NIN: variants seen among roughly 807,000 people sequenced by gnomAD.
NIN encodes glycogen synthase kinase 3 beta-interacting protein.
A neutral mutation model predicts 257.6 loss-of-function variants in NIN; 137 were observed. The observed-to-expected ratio is 0.53, with a 90% CI of 0.46 to 0.61. The LOEUF (loss-of-function observed/expected upper bound fraction) is 0.61, where lower values mean the gene tolerates loss of function less well. Among genes scored for constraint, NIN ranks in the 20% least tolerant of loss-of-function variants. The pLI is 0.00. For missense variants in NIN, 2,439 were observed against 2,501.2 expected, an observed-to-expected ratio of 0.98 and a Z score of 0.53; for synonymous variants, 918 against 919.8, an observed-to-expected ratio of 1.00 and a Z score of 0.04.
chr14:50,763,083 T>G (rs185448825), intron 15 of NIN, among the ~76,000 whole-genome samples: 1 of 152,278 alleles, frequency 6.6e-6, no homozygotes, highest in Non-Finnish European at 1.5e-5. Flanking sequence ...AATCTGTTAA[T>G]TATTCTGCAG....
intron 22 of NIN, 21 bp from the exon 23 acceptor site, chr14:50,744,386 A>G (rs200252190): frequency 6.2e-7 from 1 of 1,612,156 alleles, no homozygotes; most frequent in African/African-American, 1.3e-5. Context: ...TAAACAAATG[A>G]GCCCTCCCAT....
rs909846695 is a variant in NIN at position 50,778,158 on chromosome 14, A to T, written c.475+607T>A. Among the ~76,000 whole-genome samples, 40 of 152,196 alleles carry T rather than the reference A, an allele frequency of 2.6e-4. 1 individual carries two copies. Among genetic ancestry groups the T allele is most frequent in the Admixed American group, 1.4e-3 (21 of 15,276 alleles). Reference sequence around the variant, plus strand: ...GAAACTTGTCAAGGGATGCATTTTTAAATTAATTAATTAATTTATATTGTT... The same window carrying T: ...GAAACTTGTCAAGGGATGCATTTTTTAATTAATTAATTAATTTATATTGTT... On this transcript the variant is annotated intron_variant, in intron 6 of 30. Transcript: ENST00000530997.
Position 50,757,342 on chromosome 14 carries a change from C to G in NIN, c.3688G>C (p.Val1230Leu). The G allele has an allele frequency of 6.2e-7, 1 of 1,613,634 alleles. No homozygotes were observed. The highest frequency in any genetic ancestry group is 1.7e-5 in the Admixed American group (1 of 59,898). The change falls in exon 18 of 31, where the codon GTG becomes CTG. Residue 1230 changes from valine to leucine, a missense_variant. Around this residue, in one of 3 missense-constraint regions of NIN, gnomAD observed 2,043 missense variants for 2,050.2 expected, o/e 1.00. Coordinates refer to ENST00000530997, the MANE Select transcript of NIN (RefSeq NM_020921.4). ...AGCATCTTCAGTTTCTTTTTTAGCA[C>G]AGAAACATCAAAAAGTAGGTCCTGT... ...KKQDLLFDVS[V>L]LKKKLKMLER...
intron 25 of NIN, among the ~76,000 whole-genome samples, chr14:50,739,851 A>C (rs2041188593): frequency 6.6e-6 from 1 of 152,268 alleles, no homozygotes; most frequent in Non-Finnish European, 1.5e-5. Context: ...CTTTAAGCCC[A>C]GAAGATATTC....
chr14:50,738,741 TAGC>T (rs1238426204), intron 26 of NIN, among the ~76,000 whole-genome samples: 15 of 152,236 alleles, frequency 9.9e-5, no homozygotes, highest in African/African-American at 2.9e-4. Context: ...GCATCCGTGA[TAGC>T]AGTTTCTGGC....
In NIN at chr14:50,777,138, G is replaced by C; in HGVS notation, c.477C>G (p.Gly159=). 6.2e-7 allele frequency: 1 copy of C among 1,602,798 alleles called. No homozygotes were observed. Among genetic ancestry groups the C allele is most frequent in the Non-Finnish European group, 8.5e-7 (1 of 1,174,770 alleles). The change falls in exon 7 of 31, where the codon GGC becomes GGG. Residue 159 remains glycine (G), a splice_region_variant and synonymous_variant. Transcript: ENST00000530997. Reference sequence around the variant, plus strand: ...CATCTGGGTTCCAAAACCTTAACTGGCCTGAGAGAGAAGCATATGTTGCAC... The same window carrying C: ...CATCTGGGTTCCAAAACCTTAACTGCCCTGAGAGAGAAGCATATGTTGCAC... ...TQRSEEYEAE[G]QLRFWNPDDL...
intron 15 of NIN, 110 bp downstream of exon 15, chr14:50,763,716 T>C: frequency 6.4e-6 from 3 of 467,624 alleles, no homozygotes; most frequent in Non-Finnish European, 9.0e-6. Flanking sequence ...CCAAATTCTT[T>C]TTTTTTTTTT....
chr14:50,741,855 T>G (rs1371959955), intron 24 of NIN, 127 bp from the exon 25 acceptor site: 2 of 1,031,906 alleles, frequency 1.9e-6, no homozygotes, highest in African/African-American at 3.2e-5. Context: ...AATCCAGCTT[T>G]CTTGTCAGTA....
upstream of NIN, chr14:50,831,223 G>A (rs573367835): frequency 6.6e-6 from 1 of 151,468 alleles, no homozygotes; most frequent in Non-Finnish European, 1.5e-5. Context: ...CCTCCTCTGC[G>A]GCCCGCGCGG....
intron 12 of NIN, among the ~76,000 whole-genome samples, chr14:50,769,929 T>G (rs1595827342): frequency 2.1e-5 from 3 of 139,770 alleles, no homozygotes; most frequent in Non-Finnish European, 1.5e-5. Flanking sequence ...GGTGACAGAG[T>G]GAGACCCCAT....
chr14:50,779,874 A>C (rs2043065942), intron 5 of NIN, among the ~76,000 whole-genome samples: 1 of 152,248 alleles, frequency 6.6e-6, no homozygotes, highest in Non-Finnish European at 1.5e-5. Flanking sequence ...ACTTAAAATA[A>C]GTAGGCTAGA....
chr14:50,755,667 TTTTTTTTTTTTA>T lies in NIN; in HGVS notation c.4539-812_4539-801del, dbSNP rs1240162368. On this transcript the variant is annotated intron_variant, in intron 18 of 30. Coordinates refer to ENST00000530997, the MANE Select transcript of NIN (RefSeq NM_020921.4). ...TTGTCTCTTTTTTTTTTTTTTTTTT[TTTTTTTTTTTTA>T]AAAGAGACAGGGTCTCACTCTGTCA... Among the ~76,000 whole-genome samples the T allele has an allele frequency of 8.0e-4, 63 of 78,304 alleles. 2 individuals carry two copies. Among genetic ancestry groups the T allele is most frequent in the African/African-American group, 3.9e-4 (8 of 20,494 alleles). 51.4% of individuals were successfully genotyped at this position (78,304 alleles called of 152,430 possible).
chr14:50,761,859 C>T lies in NIN; in HGVS notation c.1827G>A (p.Leu609=), dbSNP rs753155848. ...GTTGTTCTTTCATCTGTTCAATGAC[C>T]AGCTCTGCCTCAATGCTCATATTCA... ...NPLNMSIEAE[L]VIEQMKEQHH... The change falls in exon 16 of 31, where the codon CTG becomes CTA. Residue 609 remains leucine, a synonymous_variant. Transcript: ENST00000530997. 6.2e-7 allele frequency: 1 copy of T among 1,614,124 alleles called. No homozygotes were observed. Among genetic ancestry groups the T allele is most frequent in the Admixed American group, 1.7e-5 (1 of 60,020 alleles).
At position 50,723,347 on chromosome 14, in the gene NIN, A is replaced by T. The variant is rs148168998; in HGVS notation, c.*116T>A. 3.4e-3 allele frequency: 2,591 copies of T among 759,896 alleles called. 8 individuals carry two copies. The highest frequency in any genetic ancestry group is 4.6e-3 in the Non-Finnish European group (2,193 of 471,894). The allele number at this position is 759,896 out of a possible 1,614,324, so 47.1% of individuals were successfully genotyped here. On this transcript the variant is annotated 3_prime_UTR_variant, in exon 31 of 31. Transcript: ENST00000530997. The stretch of plus-strand genomic sequence containing the variant: ...AGAAAAACTAATTATGATAAATGGA[A>T]ACTCCAGTTGTGTTGCTGGCAGTTT...
At chr14:50,817,904 C>T (rs1479546976) in intron 3 of NIN, among the ~76,000 whole-genome samples, 1 of 151,998 alleles carries the variant, frequency 6.6e-6, no homozygotes, top group Non-Finnish European at 1.5e-5. Context: ...TTAGCAGAGA[C>T]AGGGTTTCAC....
rs764103604 is a variant in NIN, at chr14:50,776,921, C to A, written c.666+28G>T. The A allele has an allele frequency of 9.5e-6, 15 of 1,581,650 alleles. 1 individual carries two copies. In the South Asian group the frequency reaches 1.6e-4, roughly 17 times the overall value. On this transcript the variant is annotated intron_variant, in intron 7 of 30. Coordinates refer to ENST00000530997, the MANE Select transcript of NIN (RefSeq NM_020921.4). Reference sequence around the variant, plus strand: ...TCAACTACACTTTTACCATCATTATCATTCCTGAATTATACTGCGAGGCTT... The same window carrying A: ...TCAACTACACTTTTACCATCATTATAATTCCTGAATTATACTGCGAGGCTT...
At chr14:50,810,169 T>C (rs2044522939) in intron 3 of NIN, among the ~76,000 whole-genome samples, 1 of 148,790 alleles carries the variant, frequency 6.7e-6, no homozygotes, top group African/African-American at 2.5e-5. Context: ...AGGCGGAGCT[T>C]GCAGTGAATG....
intron 5 of NIN, among the ~76,000 whole-genome samples, chr14:50,787,588 G>A (rs1011453459): frequency 6.6e-6 from 1 of 152,308 alleles, no homozygotes. Context: ...ATGGCCAACT[G>A]AATTGACTTG....
rs766857796 is a variant in NIN, at chr14:50,759,847, A to T, written c.2399+10T>A. On this transcript the variant is annotated intron_variant, in intron 17 of 30. Transcript: ENST00000530997. Reference sequence around the variant, plus strand: ...GCCCCAGGTAGCTTCATTTCCCTTCACTTTCTTACCTTCCCTCCTGAAGCT... The same window carrying T: ...GCCCCAGGTAGCTTCATTTCCCTTCTCTTTCTTACCTTCCCTCCTGAAGCT... The T allele has an allele frequency of 6.3e-7, 1 of 1,592,810 alleles. No individual in the cohort carries two copies. The highest frequency in any genetic ancestry group is 8.5e-7 in the Non-Finnish European group (1 of 1,172,436).
Sources: gnomAD v4.1 joint callset for allele counts (sites outside exome capture counted in the v4.1 genomes callset) on GRCh38, gnomAD v4.1.1 for gene constraint, gnomAD v4.1.1 regional missense constraint, MANE v1.5 for transcripts, NCBI Gene and HGNC (gene_info 2026-07-23, HGNC 2026-07-21) for gene names.